The following PCDH15 variants were observed in gnomAD, a reference collection of about 807,000 sequenced individuals.
The protein encoded by PCDH15 is protocadherin-15.
Under a neutral mutation model 178.5 loss-of-function variants are expected in PCDH15, and 129 were observed. The ratio of observed to expected loss-of-function variants is 0.72; its 90% CI spans 0.63 to 0.84. PCDH15 has a LOEUF of 0.84. Ranked by LOEUF, PCDH15 falls within the 40% of genes least tolerant of loss-of-function variation. The pLI, the probability that PCDH15 is intolerant of heterozygous loss-of-function variation, is 0.00. For synonymous variants in PCDH15, 800 were observed against 732.0 expected (o/e 1.09, Z -1.50); for missense variants, 2,230 against 2,099.9 (o/e 1.06, Z -1.21).
At chr10:54,684,716 A>G (rs538250614) in intron 1 of PCDH15, among the ~76,000 whole-genome samples, 2 of 152,252 alleles carry the variant, frequency 1.3e-5, no homozygotes, top group South Asian at 4.1e-4. Flanking sequence ...TATTTAAATC[A>G]GATTTTCAAA....
chr10:53,934,082 C>A (rs2085339018), intron 25 of PCDH15, among the ~76,000 whole-genome samples: 1 of 152,072 alleles, frequency 6.6e-6, no homozygotes, highest in African/African-American at 2.4e-5. Flanking sequence ...AGCCCTTTGT[C>A]AGATGAGTAG....
intron 5 of PCDH15, among the ~76,000 whole-genome samples, chr10:54,357,055 T>C (rs1945125779): frequency 6.6e-6 from 1 of 152,134 alleles, no homozygotes; most frequent in Non-Finnish European, 1.5e-5. Flanking sequence ...GCCAATATCA[T>C]ACTGAATGGG....
At chr10:53,901,640 C>T (rs527376038) in intron 26 of PCDH15, among the ~76,000 whole-genome samples, 195 of 152,274 alleles carry the variant, frequency 1.3e-3, no homozygotes, top group Non-Finnish European at 2.0e-3. Flanking sequence ...ACACCTAGAA[C>T]GAATCCCATA....
Position 55,430,569 on chromosome 10 carries a change from G to A in PCDH15, c.-156+197056C>T, listed in dbSNP as rs548992067. 1.4e-4 allele frequency among the ~76,000 whole-genome samples: 22 copies of A among 152,254 alleles called. No homozygotes were observed. The Middle Eastern group carries it at 0.014, about 94-fold the overall frequency. Reference sequence around the variant, plus strand: ...CCCTGGAAGCAAGATTTTTGGCCCAGAGAAGAAGTGATTTTCTGTTTTTAC... The same window carrying A: ...CCCTGGAAGCAAGATTTTTGGCCCAAAGAAGAAGTGATTTTCTGTTTTTAC... On this transcript the variant is annotated intron_variant, in intron 2 of 5. Transcript: ENST00000613346.
intron 1 of PCDH15, among the ~76,000 whole-genome samples, chr10:54,721,601 T>G (rs1941621322): frequency 2.6e-5 from 4 of 151,778 alleles, no homozygotes; most frequent in Non-Finnish European, 5.9e-5. Flanking sequence ...CACCTTTATG[T>G]GCATAATCTA....
intron 10 of PCDH15, among the ~76,000 whole-genome samples, chr10:54,200,967 C>CACTGCGTACTTT (rs1564666176): frequency 6.6e-6 from 1 of 151,946 alleles, no homozygotes. Flanking sequence ...CTGTGTACTT[C>CACTGCGTACTTT]GTAACACTGC....
chr10:54,771,153 T>C (rs1400841332), intron 1 of PCDH15, among the ~76,000 whole-genome samples: 11 of 152,070 alleles, frequency 7.2e-5, no homozygotes, highest in Admixed American at 7.2e-4. Flanking sequence ...AATTTAACCT[T>C]CATGGTCTAT....
chr10:55,271,994 C>T (rs1289969090), intron 1 of PCDH15, among the ~76,000 whole-genome samples: 3 of 152,032 alleles, frequency 2.0e-5, no homozygotes, highest in Non-Finnish European at 2.9e-5. Flanking sequence ...TTTATCTAGA[C>T]TTATTATGCA....
At chr10:54,916,112 C>T (rs537707115) in intron 2 of PCDH15, among the ~76,000 whole-genome samples, 14 of 149,908 alleles carry the variant, frequency 9.3e-5, no homozygotes, top group South Asian at 6.3e-4. Context: ...GCTCAGCTTA[C>T]GGGCACCTGC....
At chr10:54,572,819 T>A (rs1406387180) in intron 2 of PCDH15, among the ~76,000 whole-genome samples, 1 of 151,994 alleles carries the variant, frequency 6.6e-6, no homozygotes, top group Non-Finnish European at 1.5e-5. Flanking sequence ...ACCAGAAAAA[T>A]AAAAGAGAAA....
intron 1 of PCDH15, among the ~76,000 whole-genome samples, chr10:54,777,653 CT>C (rs1249963192): frequency 2.0e-5 from 3 of 151,310 alleles, no homozygotes; most frequent in Admixed American, 2.0e-4. Context: ...TTTCAAAGTT[CT>C]TTTTTTTTCT....
chr10:55,582,625 T>TATAC (rs1554800548), intron 2 of PCDH15, among the ~76,000 whole-genome samples: 3 of 80,232 alleles, frequency 3.7e-5, no homozygotes, highest in African/African-American at 5.1e-5. Context: ...TATATATATA[T>TATAC]ATATTTTTTT....
chr10:55,189,863 C>A (rs149515980), intron 1 of PCDH15, among the ~76,000 whole-genome samples: 378 of 151,766 alleles, frequency 2.5e-3, no homozygotes, highest in African/African-American at 8.3e-3. Flanking sequence ...TTATGGTATT[C>A]ACTAGAGCTA....
At chr10:54,767,554 A>G (rs1948656269) in intron 1 of PCDH15, among the ~76,000 whole-genome samples, 1 of 152,062 alleles carries the variant, frequency 6.6e-6, no homozygotes, top group African/African-American at 2.4e-5. Flanking sequence ...AGGGGGAAGA[A>G]CAGTGACATC....
intron 10 of PCDH15, among the ~76,000 whole-genome samples, chr10:54,198,519 T>TTTTTTTTTA (rs869115156): frequency 1.7e-5 from 1 of 59,510 alleles, no homozygotes; most frequent in Admixed American, 1.8e-4. Flanking sequence ...TTTTTTTTTT[T>TTTTTTTTTA]GAGACAAAGT....
intron 3 of PCDH15, among the ~76,000 whole-genome samples, chr10:54,836,425 G>C (rs1281960401): frequency 6.6e-6 from 1 of 152,068 alleles, no homozygotes; most frequent in Non-Finnish European, 1.5e-5. Context: ...TCTCCACTGA[G>C]CATCATCTTC....
chr10:55,574,083 A>G (rs1589148562), intron 2 of PCDH15, among the ~76,000 whole-genome samples: 1 of 152,142 alleles, frequency 6.6e-6, no homozygotes, highest in East Asian at 1.9e-4. Flanking sequence ...GAGCCAATAT[A>G]TTCATCCAAC....
chr10:54,368,744 A>G (rs537348506), intron 5 of PCDH15, among the ~76,000 whole-genome samples: 1 of 152,098 alleles, frequency 6.6e-6, no homozygotes, highest in African/African-American at 2.4e-5. Flanking sequence ...ATTTTCTTCC[A>G]GTATTTAATT....
intron 21 of PCDH15, among the ~76,000 whole-genome samples, chr10:53,976,808 CAT>C (rs534974870): frequency 1.6e-3 from 238 of 152,004 alleles, no homozygotes; most frequent in African/African-American, 5.5e-3. Context: ...TTTAAATAAA[CAT>C]AGAAATTAAC....
Sources: allele counts gnomAD v4.1 joint callset (sites outside exome capture counted in the v4.1 genomes callset), GRCh38; gene constraint gnomAD v4.1.1; transcripts MANE v1.5; gene names NCBI Gene and HGNC (gene_info 2026-07-23, HGNC 2026-07-21).